Variants in CDK14 observed in about 807,000 individuals in gnomAD.
CDK14 encodes cyclin-dependent kinase 14.
A neutral mutation model predicts 60.7 loss-of-function variants in CDK14; 34 were observed. That is an observed-to-expected ratio of 0.56 (90% CI 0.43 to 0.75). The LOEUF is 0.75. Ranked by LOEUF, CDK14 falls within the 30% of genes least tolerant of loss-of-function variation. The probability of loss-of-function intolerance (pLI) is 0.00; values close to 1 mark genes in which losing one functional copy is unlikely to be tolerated. For missense variants in CDK14, 482 were observed against 564.1 expected, an observed-to-expected ratio of 0.85 and a Z score of 1.47; for synonymous variants, 197 against 203.7, an observed-to-expected ratio of 0.97 and a Z score of 0.28.
At chr7:91,046,013 G>A (rs1315734482) in intron 11 of CDK14, 53 bp downstream of exon 11, 2 of 1,171,934 alleles carry the variant, frequency 1.7e-6, no homozygotes, top group Non-Finnish European at 2.6e-6. Flanking sequence ...CAAAAGGTGA[G>A]TATATAAATG....
chr7:90,964,951 A>C (rs1277449433), intron 9 of CDK14, among the ~76,000 whole-genome samples: 1 of 152,188 alleles, frequency 6.6e-6, no homozygotes, highest in Non-Finnish European at 1.5e-5. Flanking sequence ...TCTTATGACT[A>C]ATTATAATTG....
intron 2 of CDK14, chr7:90,709,587 T>G (rs894598623): frequency 5.6e-6 from 9 of 1,613,098 alleles, no homozygotes; most frequent in Non-Finnish European, 6.8e-6. Context: ...GCCCGGTTAC[T>G]CTGCCTTCGT....
intron 5 of CDK14, among the ~76,000 whole-genome samples, chr7:90,816,677 G>A (rs1423935221): frequency 6.6e-6 from 1 of 152,138 alleles, no homozygotes; most frequent in African/African-American, 2.4e-5. Context: ...AGTATCTTCA[G>A]CGAGGGTGAG....
chr7:90,937,488 A>C (rs747936485), intron 8 of CDK14, among the ~76,000 whole-genome samples: 1 of 152,206 alleles, frequency 6.6e-6, no homozygotes, highest in Non-Finnish European at 1.5e-5. Flanking sequence ...TATAGCAGTC[A>C]AGTAAACATT....
intron 10 of CDK14, among the ~76,000 whole-genome samples, chr7:91,042,987 C>T (rs1797131841): frequency 6.6e-6 from 1 of 152,138 alleles, no homozygotes; most frequent in South Asian, 2.1e-4. Flanking sequence ...TTATTCTTTT[C>T]CTTTGCCCAC....
intron 5 of CDK14, among the ~76,000 whole-genome samples, chr7:90,836,127 A>C (rs1790088249): frequency 6.6e-6 from 1 of 152,156 alleles, no homozygotes; most frequent in African/African-American, 2.4e-5. Context: ...AGACTTTATA[A>C]ATACTGTATA....
At chr7:90,755,785 G>A (rs1344980384) in intron 4 of CDK14, among the ~76,000 whole-genome samples, 3 of 152,012 alleles carry the variant, frequency 2.0e-5, no homozygotes, top group Non-Finnish European at 4.4e-5. Context: ...TAGGGGTTGT[G>A]CCCCATATTT....
At chr7:90,773,467 C>A (rs1355476162) in intron 4 of CDK14, among the ~76,000 whole-genome samples, 1 of 152,210 alleles carries the variant, frequency 6.6e-6, no homozygotes, top group African/African-American at 2.4e-5. Context: ...TGGCCCAGGG[C>A]CTGCCGCATA....
chr7:90,663,945 T>G (rs570383103), intron 2 of CDK14, among the ~76,000 whole-genome samples: 1 of 152,270 alleles, frequency 6.6e-6, no homozygotes, highest in African/African-American at 2.4e-5. Flanking sequence ...AATCATGTTT[T>G]TGCAATTAAA....
At chr7:90,668,072 C>T (rs910505374) in intron 2 of CDK14, among the ~76,000 whole-genome samples, 2 of 152,094 alleles carry the variant, frequency 1.3e-5, no homozygotes, top group Admixed American at 6.6e-5. Context: ...AGTAACTATA[C>T]GTATAACTTT....
Position 90,772,969 on chromosome 7 carries a change from G to A in CDK14, c.465-17604G>A, listed in dbSNP as rs190708532. Among the ~76,000 whole-genome samples, 990 of 152,238 alleles carry A rather than the reference G, an allele frequency of 6.5e-3. 3 individuals carry two copies. The highest frequency in any genetic ancestry group is 0.011 in the Non-Finnish European group (746 of 68,006). On this transcript the variant is annotated intron_variant, in intron 4 of 14. Transcript: ENST00000380050. ...TCTGAATAGTAAGATTACTATTGGT[G>A]AAAAATTTTTCTGTACTGACCAAGT...
rs369009742 is a variant in CDK14 at position 90,661,532 on chromosome 7, C to T, written c.123+57283C>T. On this transcript the variant is annotated intron_variant, in intron 2 of 14. Transcript: ENST00000380050. ...TGACTGGGTATGGTCTTTAAGTCTA[C>T]ATATTTAGATAACCCTGTATTTAAC... Among the ~76,000 whole-genome samples, 11 of 152,320 alleles carry T rather than the reference C, an allele frequency of 7.2e-5. No homozygotes were observed. In the East Asian group the frequency reaches 2.1e-3, roughly 29 times the overall value.
intron 14 of CDK14, among the ~76,000 whole-genome samples, chr7:91,189,579 A>C (rs1275518790): frequency 6.6e-6 from 1 of 152,204 alleles, no homozygotes; most frequent in Non-Finnish European, 1.5e-5. Flanking sequence ...ACCCAATCTG[A>C]AAGTGATATT....
At chr7:90,732,533 A>T (rs1018837842) in intron 3 of CDK14, among the ~76,000 whole-genome samples, 1 of 152,134 alleles carries the variant, frequency 6.6e-6, no homozygotes, top group Non-Finnish European at 1.5e-5. Flanking sequence ...TTACTGGTCT[A>T]TTCAGGGATT....
intron 13 of CDK14, among the ~76,000 whole-genome samples, chr7:91,114,417 A>G (rs189502269): frequency 6.6e-6 from 1 of 152,344 alleles, no homozygotes; most frequent in Non-Finnish European, 1.5e-5. Context: ...CAAAGTATGC[A>G]GAACACCAGA....
intron 14 of CDK14, among the ~76,000 whole-genome samples, chr7:91,159,162 A>C (rs1198434189): frequency 6.6e-6 from 1 of 152,250 alleles, no homozygotes; most frequent in Non-Finnish European, 1.5e-5. Flanking sequence ...AACAGAGAAC[A>C]TGCTGGCTTG....
intron 4 of CDK14, among the ~76,000 whole-genome samples, chr7:90,789,567 T>C (rs928638668): frequency 4.6e-5 from 7 of 152,242 alleles, no homozygotes; most frequent in Middle Eastern, 6.8e-3. Flanking sequence ...ATAGTGTTTA[T>C]ATTGTATTAG....
chr7:90,759,232 A>G (rs1292937479), intron 4 of CDK14, among the ~76,000 whole-genome samples: 1 of 151,970 alleles, frequency 6.6e-6, no homozygotes, highest in Non-Finnish European at 1.5e-5. Context: ...TTCCCTCATC[A>G]CTATGTGTCT....
At chr7:91,076,168 A>G (rs1022050191) in intron 11 of CDK14, among the ~76,000 whole-genome samples, 2 of 149,944 alleles carry the variant, frequency 1.3e-5, no homozygotes, top group African/African-American at 4.9e-5. Context: ...AGCCAAGACA[A>G]TCCTGAGCAA....
Sources: allele counts gnomAD v4.1 joint callset (sites outside exome capture counted in the v4.1 genomes callset), GRCh38; gene constraint gnomAD v4.1.1; transcripts MANE v1.5; gene names NCBI Gene and HGNC (gene_info 2026-07-23, HGNC 2026-07-21).